LMOD3: variants seen among roughly 807,000 people sequenced by gnomAD.
LMOD3 encodes the protein leiomodin 3, also known as leiomodin-3.
Under a neutral mutation model 41.8 loss-of-function variants are expected in LMOD3, and 31 were observed. The observed-to-expected ratio is 0.74, with a 90% CI of 0.56 to 1.00. LMOD3 has a LOEUF of 1.00. Ranked by LOEUF, LMOD3 falls within the 50% of genes least tolerant of loss-of-function variation. The pLI is 0.00. For missense variants in LMOD3, 755 were observed against 679.5 expected (o/e 1.11, Z -1.23); for synonymous variants, 292 against 241.9 (o/e 1.21, Z -1.92).
chr3:69,118,314 T>C (rs1417486847), intron 2 of LMOD3, among the ~76,000 whole-genome samples: 1 of 152,182 alleles, frequency 6.6e-6, no homozygotes, highest in Non-Finnish European at 1.5e-5. Context: ...CCTAGCTGTG[T>C]CTCCTCCACA....
At chr3:69,112,626 G>C (rs543434268) in intron 2 of LMOD3, among the ~76,000 whole-genome samples, 1 of 152,348 alleles carries the variant, frequency 6.6e-6, no homozygotes, top group African/African-American at 2.4e-5. Flanking sequence ...GAGGCAAAGG[G>C]TGGTACAGAG....
chr3:69,112,645 G>A (rs1418787940), intron 2 of LMOD3, among the ~76,000 whole-genome samples: 1 of 152,206 alleles, frequency 6.6e-6, no homozygotes. Flanking sequence ...AGGCAAGAAA[G>A]CAAGGCCCTT....
At chr3:69,120,551 G>C (rs1202820313) in intron 1 of LMOD3, among the ~76,000 whole-genome samples, 1 of 151,392 alleles carries the variant, frequency 6.6e-6, no homozygotes, top group Admixed American at 6.6e-5. Context: ...AACTTCCTCT[G>C]AGAACATAAC....
intron 2 of LMOD3, among the ~76,000 whole-genome samples, chr3:69,115,483 A>AACACACACACAC (rs10604147): frequency 5.5e-5 from 8 of 145,024 alleles, no homozygotes; most frequent in African/African-American, 2.0e-4. Context: ...TCCTGCCTCA[A>AACACACACACAC]ACACACACAC....
Position 69,122,255 on chromosome 3 carries a change from A to AG in LMOD3, c.131dup (p.Asp45Ter). The stretch of plus-strand genomic sequence containing the variant: ...TCATTCCCACGGGAAGGCTGGGGTC[A>AG]GGGGCCATGACTTCCATTTCCGACT... On this transcript the variant is annotated frameshift_variant, in exon 1 of 3. Transcript: ENST00000420581. LOFTEE classifies it high-confidence loss of function. The AG allele has an allele frequency of 6.2e-7, 1 of 1,613,682 alleles. No homozygotes were observed. Among genetic ancestry groups the AG allele is most frequent in the African/African-American group, 1.3e-5 (1 of 75,050 alleles).
chr3:69,120,843 T>C (rs1484901710), intron 1 of LMOD3, among the ~76,000 whole-genome samples: 2 of 152,152 alleles, frequency 1.3e-5, no homozygotes. Context: ...GGAAATAAAA[T>C]GGGCCTTTTA....
rs761704391 is a variant in LMOD3 at position 69,119,190 on chromosome 3, G to C, written c.1165C>G (p.Leu389Val). 45 of 1,613,772 alleles carry C rather than the reference G, an allele frequency of 2.8e-5. No homozygotes were observed. Among genetic ancestry groups the C allele is most frequent in the Non-Finnish European group, 3.7e-5 (44 of 1,179,874 alleles). Residue 389 changes from leucine (L) to valine (V), a missense_variant, in exon 2 of 3, where the codon CTG becomes GTG. By Grantham distance (32) the Leu-to-Val change is conservative. Transcript: ENST00000420581. ...LPGPRMVVTN[L>V]LTRNQDKQRQ... The stretch of plus-strand genomic sequence containing the variant: ...TGTTTATCCTGATTCCTGGTGAGCA[G>C]ATTAGTGACCACCATTCTGGGACCC...
At position 69,119,524 on chromosome 3, in the gene LMOD3, T is replaced by G; in HGVS notation, c.831A>C (p.Ala277=). Residue 277 remains alanine, a synonymous_variant, in exon 2 of 3, where the codon GCA becomes GCC. Transcript: ENST00000420581. ...PKEMLLDFVN[A]MKKNKHIKTF... The stretch of plus-strand genomic sequence containing the variant: ...TTTTGATGTGCTTGTTTTTCTTCAT[T>G]GCATTGACAAAGTCCAGTAACATTT... The G allele has an allele frequency of 6.2e-7, 1 of 1,613,972 alleles. No homozygotes were observed. The highest frequency in any genetic ancestry group is 8.5e-7 in the Non-Finnish European group (1 of 1,179,894).
rs1388558903 is a variant in LMOD3 at position 69,108,250 on chromosome 3, T to C, written c.*845A>G. The C allele has an allele frequency of 2.6e-5, 4 of 152,270 alleles. No homozygotes were observed. The East Asian group carries it at 7.7e-4, about 29-fold the overall frequency. 9.4% of individuals were successfully genotyped at this position (152,270 alleles called of 1,614,324 possible). On this transcript the variant is annotated 3_prime_UTR_variant, in exon 3 of 3. Coordinates refer to ENST00000420581, the MANE Select transcript of LMOD3 (RefSeq NM_198271.5). Reference sequence around the variant, plus strand: ...AAACACATATGAGCGTGTGTGTGTGTGTGTGTATTTAGCCAAAACCAAAAG... The same window carrying C: ...AAACACATATGAGCGTGTGTGTGTGCGTGTGTATTTAGCCAAAACCAAAAG...
Position 69,119,166 on chromosome 3 carries a change from G to C in LMOD3, c.1189C>G (p.Gln397Glu), listed in dbSNP as rs1286766855. Residue 397 changes from glutamine to glutamate, a missense_variant, in exon 2 of 3, where the codon CAA becomes GAA. By Grantham distance (29) the Gln-to-Glu change is conservative (BLOSUM62 2). Coordinates refer to ENST00000420581, the MANE Select transcript of LMOD3 (RefSeq NM_198271.5). ...TGCTCTTCCTGTCGTTTCTGCCTTT[G>C]TTTATCCTGATTCCTGGTGAGCAGA... Reference protein sequence around the residue: ...TNLLTRNQDKQRQKRQEEQKQ... With the variant: ...TNLLTRNQDKERQKRQEEQKQ... 7 of 1,613,656 alleles carry C rather than the reference G, an allele frequency of 4.3e-6. No homozygotes were observed. In the Admixed American group the frequency reaches 8.3e-5, roughly 19 times the overall value.
Position 69,119,010 on chromosome 3 carries a change from G to A in LMOD3, c.1345C>T (p.Pro449Ser). Residue 449 changes from proline (P) to serine (S), a missense_variant, in exon 2 of 3, where the codon CCA (proline) becomes TCA (serine). Transcript: ENST00000420581. ...GGGTTGGGAGGCCGAGGTGGCGGTGGCTGGAAGAATTCCTGCATTCTGGAA... is the reference window on the plus strand; with the variant it reads ...GGGTTGGGAGGCCGAGGTGGCGGTGACTGGAAGAATTCCTGCATTCTGGAA... The part of the protein sequence containing the change: ...PDSRMQEFFQ[P>S]PPPRPPNPQN... 6.2e-7 allele frequency: 1 copy of A among 1,613,578 alleles called. No individual in the cohort carries two copies.
chr3:69,116,183 G>C (rs1401239344), intron 2 of LMOD3, among the ~76,000 whole-genome samples: 1 of 152,220 alleles, frequency 6.6e-6, no homozygotes, highest in Non-Finnish European at 1.5e-5. Context: ...CACAGAAACA[G>C]AGTGCTGGGA....
Position 69,115,483 on chromosome 3 carries a change from A to AACACACAC in LMOD3, c.1656+3208_1656+3215dup, listed in dbSNP as rs10604147. Among the ~76,000 whole-genome samples the AACACACAC allele has an allele frequency of 2.3e-3, 335 of 145,022 alleles. 1 individual carries two copies. Among genetic ancestry groups the AACACACAC allele is most frequent in the African/African-American group, 7.7e-3 (302 of 39,384 alleles). On this transcript the variant is annotated intron_variant, in intron 2 of 2. Coordinates refer to ENST00000420581, the MANE Select transcript of LMOD3 (RefSeq NM_198271.5). ...GGTGATAGAGTGAGATCCTGCCTCAAACACACACACACACACACACACACA... is the reference window on the plus strand; with the variant it reads ...GGTGATAGAGTGAGATCCTGCCTCAAACACACACACACACACACACACACACACACACA...
intron 1 of LMOD3, among the ~76,000 whole-genome samples, chr3:69,120,551 G>A (rs1202820313): frequency 1.3e-5 from 2 of 151,392 alleles, no homozygotes; most frequent in Non-Finnish European, 2.9e-5. Flanking sequence ...AACTTCCTCT[G>A]AGAACATAAC....
chr3:69,117,125 T>C (rs2092378196), intron 2 of LMOD3, among the ~76,000 whole-genome samples: 2 of 152,214 alleles, frequency 1.3e-5, no homozygotes, highest in Non-Finnish European at 2.9e-5. Flanking sequence ...AAAGTCTTGA[T>C]GTTGTGCCCA....
intron 2 of LMOD3, among the ~76,000 whole-genome samples, chr3:69,114,723 T>C (rs932433267): frequency 6.6e-6 from 1 of 152,104 alleles, no homozygotes; most frequent in African/African-American, 2.4e-5. Flanking sequence ...GCCAGGTTGG[T>C]CTCAAACTCC....
rs758843935 is a variant in LMOD3 at position 69,122,097 on chromosome 3, G to T, written c.290C>A (p.Ser97Tyr). 6.2e-7 allele frequency: 1 copy of T among 1,609,410 alleles called. No individual in the cohort carries two copies. The highest frequency in any genetic ancestry group is 8.5e-7 in the Non-Finnish European group (1 of 1,177,298). The change falls in exon 1 of 3, where the codon TCC (serine) becomes TAC (tyrosine). Residue 97 changes from serine (S) to tyrosine (Y), a missense_variant. By Grantham distance (144) the Ser-to-Tyr change is moderately radical. Transcript: ENST00000420581. ...EERVPVTFVK[S>Y]EEKTQEEHEE... The stretch of plus-strand genomic sequence containing the variant: ...TGTACACAAATCTCTGGTTACCTCG[G>T]ATTTCACAAAGGTGACAGGAACTCG...
At chr3:69,112,844 T>C (rs1457976666) in intron 2 of LMOD3, among the ~76,000 whole-genome samples, 1 of 152,246 alleles carries the variant, frequency 6.6e-6, no homozygotes, top group African/African-American at 2.4e-5. Context: ...TTTAGCCCTT[T>C]AGGTGATTTT....
In LMOD3 at chr3:69,107,539, T is replaced by C. The variant is rs889346012; in HGVS notation, c.*1556A>G. 1 of 138,900 alleles carries C rather than the reference T, an allele frequency of 7.2e-6. No homozygotes were observed. Among genetic ancestry groups the C allele is most frequent in the African/African-American group, 2.7e-5 (1 of 37,128 alleles). 8.6% of individuals were successfully genotyped at this position (138,900 alleles called of 1,614,324 possible). A position where few individuals can be genotyped will look rare whatever the true frequency, so the allele number is the denominator to read the frequency against. ...TCACCCAGGCTGGAGTACAGTGACG[T>C]GATCTTGTCTCACTGCAACCTCTGC... is the stretch of plus-strand genomic sequence containing the variant. On this transcript the variant is annotated 3_prime_UTR_variant, in exon 3 of 3. Coordinates refer to ENST00000420581, the MANE Select transcript of LMOD3 (RefSeq NM_198271.5).
Sources: gnomAD v4.1 joint callset for allele counts (sites outside exome capture counted in the v4.1 genomes callset) on GRCh38, gnomAD v4.1.1 for gene constraint, MANE v1.5 for transcripts, NCBI Gene and HGNC (gene_info 2026-07-23, HGNC 2026-07-21) for gene names.